IL6R: variants seen among roughly 807,000 people sequenced by gnomAD.
The protein encoded by IL6R is interleukin-6 receptor subunit alpha.
A neutral mutation model predicts 48.3 loss-of-function variants in IL6R; 38 were observed. The observed-to-expected ratio is 0.79, with a 90% confidence interval of 0.61 to 1.03. The LOEUF is 1.03. IL6R is among the 50% of genes least tolerant of loss of function. The pLI, the probability that IL6R is intolerant of heterozygous loss-of-function variation, is 0.00. For missense variants in IL6R, 534 were observed against 618.3 expected (o/e 0.86, Z 1.45); for synonymous variants, 264 against 256.2 (o/e 1.03, Z -0.29).
intron 6 of IL6R, chr1:154,437,423 T>C (rs974888573): frequency 2.1e-5 from 8 of 385,274 alleles, no homozygotes; most frequent in African/African-American, 1.3e-4. Context: ...TTAAATTTTT[T>C]TTTTTTTGAA....
chr1:154,412,454 C>T (rs1231059798), intron 1 of IL6R, among the ~76,000 whole-genome samples: 1 of 151,984 alleles, frequency 6.6e-6, no homozygotes, highest in Non-Finnish European at 1.5e-5. Context: ...GACGGGGTTT[C>T]ACCATGTTGG....
intron 1 of IL6R, among the ~76,000 whole-genome samples, chr1:154,413,349 G>A (rs1330971257): frequency 6.6e-6 from 1 of 152,202 alleles, no homozygotes; most frequent in Non-Finnish European, 1.5e-5. Flanking sequence ...TTGCTCTTAC[G>A]GCCCCTGCTG....
Position 154,405,449 on chromosome 1 carries a change from G to A in IL6R, c.-181G>A. The A allele has an allele frequency of 3.6e-6, 2 of 560,394 alleles. No homozygotes were observed. The highest frequency in any genetic ancestry group is 6.1e-6 in the Non-Finnish European group (2 of 328,518). 34.7% of individuals were successfully genotyped at this position (560,394 alleles called of 1,614,324 possible). A position where few individuals can be genotyped will look rare whatever the true frequency, so the allele number is the denominator to read the frequency against. On this transcript the variant is annotated 5_prime_UTR_variant, in exon 1 of 10. Transcript: ENST00000368485. The surrounding 1 kb of genome is among the most constrained non-coding windows in gnomAD (Gnocchi z 5.2). Reference sequence around the variant, plus strand: ...CAGAGGGAGAGGAGCCGAGCGCGGCGCGGGGCCGAGGGACTCGCAGTGTGT... The same window carrying A: ...CAGAGGGAGAGGAGCCGAGCGCGGCACGGGGCCGAGGGACTCGCAGTGTGT...
chr1:154,445,309 T>C (rs7536602), intron 6 of IL6R, among the ~76,000 whole-genome samples: 9,201 of 152,162 alleles, frequency 0.06, 952 homozygotes, highest in African/African-American at 0.21. Flanking sequence ...GGCTTTGTGG[T>C]TCATTACCAC....
At chr1:154,430,039 G>A (rs1306731689) in intron 2 of IL6R, among the ~76,000 whole-genome samples, 1 of 152,076 alleles carries the variant, frequency 6.6e-6, no homozygotes, top group Non-Finnish European at 1.5e-5. Context: ...TGTATCTCTT[G>A]TAATCCTTCA....
intron 3 of IL6R, 62 bp downstream of exon 3, chr1:154,430,668 A>T (rs1369755588): frequency 6.2e-7 from 1 of 1,603,906 alleles, no homozygotes; most frequent in Non-Finnish European, 8.5e-7. Context: ...CCCCCCAGAG[A>T]GGGGCTGGTT....
chr1:154,447,611 G>A (rs61812598), intron 6 of IL6R, among the ~76,000 whole-genome samples: 46,968 of 147,574 alleles, frequency 0.32, 8,755 homozygotes, highest in Admixed American at 0.48. Flanking sequence ...AAAAGTTTCT[G>A]CATTATGTAG....
chr1:154,421,013 T>C (rs1414604895), intron 1 of IL6R, among the ~76,000 whole-genome samples: 1 of 152,158 alleles, frequency 6.6e-6, no homozygotes, highest in Admixed American at 6.5e-5. Context: ...CCTTTTGTGA[T>C]CTTAGTCCCA....
Position 154,429,412 on chromosome 1 carries a change from G to C in IL6R, c.302G>C (p.Arg101Pro). 8 of 1,613,634 alleles carry C rather than the reference G, an allele frequency of 5.0e-6. No individual in the cohort carries two copies. The highest frequency in any genetic ancestry group is 6.8e-6 in the Non-Finnish European group (8 of 1,179,684). Residue 101 changes from arginine (R) to proline (P), a missense_variant, in exon 2 of 10, where the codon CGC (arginine) becomes CCC (proline). Arg to Pro is a moderately radical substitution (Grantham distance 103). Coordinates refer to ENST00000368485, the MANE Select transcript of IL6R (RefSeq NM_000565.4). ...AACTATTCATGCTACCGGGCCGGCC[G>C]CCCAGCTGGGACTGTGCACTTGCTG... is the stretch of plus-strand genomic sequence containing the variant. ...SGNYSCYRAGRPAGTVHLLVD... is the reference protein window; with the variant it reads ...SGNYSCYRAGPPAGTVHLLVD...
rs11265613 is a variant in IL6R at position 154,445,939 on chromosome 1, T to C, written c.950-2186T>C. Among the ~76,000 whole-genome samples the C allele has an allele frequency of 0.33, 49,703 of 150,908 alleles. 9,454 individuals carry two copies. Among genetic ancestry groups the C allele is most frequent in the Admixed American group, 0.5 (7,513 of 15,158 alleles). On this transcript the variant is annotated intron_variant, in intron 6 of 9. Transcript: ENST00000368485. ...CCCCATCTTCTTCTTGTTTTCTTCT[T>C]TTTTTTTTAGAGATGAGGTCTCACT... is the stretch of plus-strand genomic sequence containing the variant.
Position 154,466,968 on chromosome 1 carries a change from C to T in IL6R, c.*1588C>T, listed in dbSNP as rs1691575843. ...AAAAATAGCCTGCCTCTTCTCTACTCTAGGGAAAAACCAGCGTGTGACTAC... is the reference window on the plus strand; with the variant it reads ...AAAAATAGCCTGCCTCTTCTCTACTTTAGGGAAAAACCAGCGTGTGACTAC... On this transcript the variant is annotated 3_prime_UTR_variant, in exon 10 of 10. Transcript: ENST00000368485. 6.6e-6 allele frequency: 1 copy of T among 152,670 alleles called. No homozygotes were observed. The highest frequency in any genetic ancestry group is 1.5e-5 in the Non-Finnish European group (1 of 68,106). The allele number at this position is 152,670 out of a possible 1,614,324, so 9.5% of individuals were successfully genotyped here. A position where few individuals can be genotyped will look rare whatever the true frequency, so the allele number is the denominator to read the frequency against.
At chr1:154,451,566 G>A (rs1690581291) in intron 8 of IL6R, among the ~76,000 whole-genome samples, 1 of 151,884 alleles carries the variant, frequency 6.6e-6, no homozygotes, top group Admixed American at 6.6e-5. Flanking sequence ...ATGGAGGAGG[G>A]GAACCTCCAG....
Position 154,430,507 on chromosome 1 carries a change from C to T in IL6R, c.359C>T (p.Ser120Phe), listed in dbSNP as rs759294753. Residue 120 changes from serine to phenylalanine, a missense_variant, in exon 3 of 10, where the codon TCC (serine) becomes TTC (phenylalanine). Physicochemically the swap from Ser to Phe is radical, Grantham distance 155. Coordinates refer to ENST00000368485, the MANE Select transcript of IL6R (RefSeq NM_000565.4). The part of the protein sequence containing the change: ...VDVPPEEPQL[S>F]CFRKSPLSNV... Reference sequence around the variant, plus strand: ...GTTCCCCCCGAGGAGCCCCAGCTCTCCTGCTTCCGGAAGAGCCCCCTCAGC... The same window carrying T: ...GTTCCCCCCGAGGAGCCCCAGCTCTTCTGCTTCCGGAAGAGCCCCCTCAGC... The T allele has an allele frequency of 1.2e-6, 2 of 1,613,944 alleles. No individual in the cohort carries two copies. The highest frequency in any genetic ancestry group is 1.7e-5 in the Admixed American group (1 of 60,000).
At chr1:154,445,149 C>T (rs1343238843) in intron 6 of IL6R, 3 of 455,842 alleles carry the variant, frequency 6.6e-6, no homozygotes, top group Non-Finnish European at 1.3e-5. Flanking sequence ...TTTGTTTCTA[C>T]ACGAATAGAG....
chr1:154,434,558 G>C lies in IL6R; in HGVS notation c.498G>C (p.Gln166His). 1 of 1,614,036 alleles carries C rather than the reference G, an allele frequency of 6.2e-7. No individual in the cohort carries two copies. The highest frequency in any genetic ancestry group is 8.5e-7 in the Non-Finnish European group (1 of 1,180,008). ...CCGAAGACTTCCAGGAGCCGTGCCA[G>C]TATTCCCAGGAGTCCCAGAAGTTCT... ...SPAEDFQEPC[Q>H]YSQESQKFSC... The change falls in exon 4 of 10, where the codon CAG becomes CAC. Residue 166 changes from glutamine (Q) to histidine (H), a missense_variant. Transcript: ENST00000368485.
chr1:154,458,951 C>T (rs948936283), intron 9 of IL6R, among the ~76,000 whole-genome samples: 11 of 151,946 alleles, frequency 7.2e-5, no homozygotes, highest in Non-Finnish European at 1.3e-4. Flanking sequence ...CCAAAAACTC[C>T]TGCTATTTCT....
chr1:154,465,358 C>T lies in IL6R; in HGVS notation c.1385C>T (p.Thr462Ile). 1.2e-6 allele frequency: 2 copies of T among 1,614,210 alleles called. No individual in the cohort carries two copies. Among genetic ancestry groups the T allele is most frequent in the Non-Finnish European group, 1.7e-6 (2 of 1,180,024 alleles). Residue 462 changes from threonine (T) to isoleucine (I), a missense_variant, in exon 10 of 10, where the codon ACA (threonine) becomes ATA (isoleucine). Transcript: ENST00000368485. ...DPRSPYDISN[T>I]DYFFPR ...CGGAGCCCTTATGACATCAGCAATACAGACTACTTCTTCCCCAGATAGCTG... is the reference window on the plus strand; with the variant it reads ...CGGAGCCCTTATGACATCAGCAATATAGACTACTTCTTCCCCAGATAGCTG...
chr1:154,450,140 G>GTGTT (rs1690499888), intron 8 of IL6R, among the ~76,000 whole-genome samples, 160 bp downstream of exon 8: 1 of 151,508 alleles, frequency 6.6e-6, no homozygotes, highest in Non-Finnish European at 1.5e-5. Flanking sequence ...GTGTGTGTGT[G>GTGTT]TGTTGGAGAG....
intron 8 of IL6R, among the ~76,000 whole-genome samples, chr1:154,451,513 A>T (rs1170409418): frequency 6.6e-6 from 1 of 152,076 alleles, no homozygotes; most frequent in African/African-American, 2.4e-5. Context: ...GTGAGATTCC[A>T]TGTCAAAAAA....
Sources: allele counts gnomAD v4.1 joint callset (sites outside exome capture counted in the v4.1 genomes callset), GRCh38; gene constraint gnomAD v4.1.1; non-coding constraint Gnocchi (gnomAD v3.1); transcripts MANE v1.5; gene names NCBI Gene and HGNC (gene_info 2026-07-23, HGNC 2026-07-21).